The following TENT4B variants were observed in gnomAD, a reference collection of about 807,000 sequenced individuals.
TENT4B encodes the protein PAP associated domain containing 5.
TENT4B carries 10 observed loss-of-function variants against 75.0 expected under a neutral mutation model. The ratio of observed to expected loss-of-function variants is 0.13; its 90% CI spans 0.08 to 0.23. The LOEUF (loss-of-function observed/expected upper bound fraction) is 0.23. Among genes scored for constraint, TENT4B ranks in the 10% least tolerant of loss-of-function variants. The probability of loss-of-function intolerance (pLI) is 1.00; values close to 1 mark genes in which losing one functional copy is unlikely to be tolerated. For missense variants in TENT4B, 579 were observed against 893.8 expected (o/e 0.65, Z 4.49); for synonymous variants, 350 against 357.7 (o/e 0.98, Z 0.24).
intron 3 of TENT4B, among the ~76,000 whole-genome samples, chr16:50,215,639 C>G (rs1567508947): frequency 6.6e-6 from 1 of 152,172 alleles, no homozygotes; most frequent in Non-Finnish European, 1.5e-5. Flanking sequence ...TATAAAAGGA[C>G]ATGTGTGTAT....
At chr16:50,183,340 G>A (rs550482503) in intron 1 of TENT4B, among the ~76,000 whole-genome samples, 1 of 152,074 alleles carries the variant, frequency 6.6e-6, no homozygotes, top group South Asian at 2.1e-4. Flanking sequence ...CACCGTGCCT[G>A]GCTGCTTTCT....
intron 1 of TENT4B, among the ~76,000 whole-genome samples, chr16:50,176,659 A>G (rs1320512359): frequency 6.6e-6 from 1 of 151,478 alleles, no homozygotes; most frequent in East Asian, 2.0e-4. Flanking sequence ...GGCATGCACC[A>G]CCACGCCCAG....
At chr16:50,204,064 G>A (rs1053197997) in intron 1 of TENT4B, among the ~76,000 whole-genome samples, 3 of 152,200 alleles carry the variant, frequency 2.0e-5, no homozygotes, top group Admixed American at 2.0e-4. Flanking sequence ...TCGTAGAAGA[G>A]GGCTCGGAAG....
chr16:50,166,210 G>A (rs1161672332), intron 1 of TENT4B, among the ~76,000 whole-genome samples: 7 of 151,218 alleles, frequency 4.6e-5, no homozygotes, highest in African/African-American at 1.7e-4. Context: ...TCAGCCTCCC[G>A]AGTAGCTGGG....
rs565434826 is a variant in TENT4B, at chr16:50,183,026, AT to A, written c.639-28287del. ...GCAGCACCACACCCGGCTTTCTTGT[AT>A]TTTTTTTTTATTTTTATTTATTTAT... On this transcript the variant is annotated intron_variant, in intron 1 of 11. Coordinates refer to ENST00000561678, the MANE Select transcript of TENT4B (RefSeq NM_001365324.3). Among the ~76,000 whole-genome samples, 141 of 128,896 alleles carry A rather than the reference AT, an allele frequency of 1.1e-3. 1 individual carries two copies. Among genetic ancestry groups the A allele is most frequent in the South Asian group, 2.0e-3 (8 of 4,036 alleles). The allele number at this position is 128,896 out of a possible 152,430, so 84.6% of individuals were successfully genotyped here.
chr16:50,153,247 C>T (rs1036273156), upstream of TENT4B, among the ~76,000 whole-genome samples: 12 of 138,818 alleles, frequency 8.6e-5, no homozygotes, highest in Non-Finnish European at 1.7e-4. Flanking sequence ...GCCGGAGGAG[C>T]GAGGACGCTA....
intron 1 of TENT4B, among the ~76,000 whole-genome samples, chr16:50,158,541 C>T (rs1200228299): frequency 6.6e-6 from 1 of 152,122 alleles, no homozygotes; most frequent in Non-Finnish European, 1.5e-5. Flanking sequence ...TTGTTTATCA[C>T]TATGGAGAAA....
chr16:50,170,165 G>T (rs1007814863), intron 1 of TENT4B, among the ~76,000 whole-genome samples: 1 of 151,752 alleles, frequency 6.6e-6, no homozygotes, highest in African/African-American at 2.4e-5. Flanking sequence ...GATTACAGGC[G>T]CCTGCCACCA....
At chr16:50,154,328 G>C in intron 1 of TENT4B, 69 bp downstream of exon 1, 4 of 1,380,288 alleles carry the variant, frequency 2.9e-6, no homozygotes, top group Non-Finnish European at 3.7e-6. Context: ...CGCCCACAGA[G>C]GGGGGTTGTG....
chr16:50,218,319 C>T lies in TENT4B; in HGVS notation c.1038+656C>T, dbSNP rs187407620. Reference sequence around the variant, plus strand: ...TCCCATATGCCCCAAGAATACTGTGCGGGCAGTGAGCTGCACTTTTTTTTT... The same window carrying T: ...TCCCATATGCCCCAAGAATACTGTGTGGGCAGTGAGCTGCACTTTTTTTTT... On this transcript the variant is annotated intron_variant, in intron 5 of 11. Coordinates refer to ENST00000561678, the MANE Select transcript of TENT4B (RefSeq NM_001365324.3). 1.3e-4 allele frequency among the ~76,000 whole-genome samples: 20 copies of T among 151,876 alleles called. No individual in the cohort carries two copies. In the Middle Eastern group the frequency reaches 0.01, roughly 78 times the overall value.
At chr16:50,172,335 ACT>A (rs1356774056) in intron 1 of TENT4B, among the ~76,000 whole-genome samples, 1 of 151,558 alleles carries the variant, frequency 6.6e-6, no homozygotes. Context: ...ACAGAGCGAG[ACT>A]CTGTCTCCAA....
rs2032121032 is a variant in TENT4B at position 50,227,832 on chromosome 16, G to A, written c.1801-7G>A. On this transcript the variant is annotated splice_region_variant and splice_polypyrimidine_tract_variant and intron_variant, in intron 10 of 11. Coordinates refer to ENST00000561678, the MANE Select transcript of TENT4B (RefSeq NM_001365324.3). ...TGTCACATTATAACTCACGTGACTT[G>A]TGTTAGGATTCCGATGCAACACCAT... 7.4e-6 allele frequency: 12 copies of A among 1,613,852 alleles called. No individual in the cohort carries two copies. The highest frequency in any genetic ancestry group is 1.0e-5 in the Non-Finnish European group (12 of 1,179,812).
chr16:50,229,899 A>G lies in TENT4B; in HGVS notation c.*571A>G. On this transcript the variant is annotated 3_prime_UTR_variant, in exon 12 of 12. Coordinates refer to ENST00000561678, the MANE Select transcript of TENT4B (RefSeq NM_001365324.3). ...TTGTTAATAATACTTTTTACATAAC[A>G]TTACTGTTTAAATTGTAAACAGATT... 2.2e-6 allele frequency: 2 copies of G among 919,080 alleles called. No homozygotes were observed. The highest frequency in any genetic ancestry group is 5.0e-5 in the South Asian group (1 of 19,900). 56.9% of individuals were successfully genotyped at this position (919,080 alleles called of 1,614,324 possible). A position where few individuals can be genotyped will look rare whatever the true frequency, so the allele number is the denominator to read the frequency against.
intron 1 of TENT4B, among the ~76,000 whole-genome samples, chr16:50,209,508 C>T (rs988334381): frequency 3.9e-5 from 6 of 152,146 alleles, no homozygotes; most frequent in African/African-American, 1.4e-4. Flanking sequence ...GGAAAACGTC[C>T]CCACTGGGAT....
At chr16:50,200,919 TC>T in intron 1 of TENT4B, among the ~76,000 whole-genome samples, 1 of 151,964 alleles carries the variant, frequency 6.6e-6, no homozygotes, top group Admixed American at 6.6e-5. Context: ...GCCTCAGCCT[TC>T]CGAGTAGCTG....
intron 1 of TENT4B, among the ~76,000 whole-genome samples, chr16:50,188,166 T>TTATTCCA (rs1190284850): frequency 6.6e-6 from 1 of 152,236 alleles, no homozygotes; most frequent in Non-Finnish European, 1.5e-5. Context: ...CCGATGATGT[T>TTATTCCA]TATTCCAGTT....
chr16:50,170,456 C>T (rs999002830), intron 1 of TENT4B, among the ~76,000 whole-genome samples: 1 of 152,090 alleles, frequency 6.6e-6, no homozygotes, highest in Non-Finnish European at 1.5e-5. Context: ...ATCCCCCAAT[C>T]AAATATTTTA....
chr16:50,227,903 G>A lies in TENT4B; in HGVS notation c.1865G>A (p.Arg622Gln), dbSNP rs776389427. 2 of 1,614,000 alleles carry A rather than the reference G, an allele frequency of 1.2e-6. No homozygotes were observed. The highest frequency in any genetic ancestry group is 1.1e-5 in the South Asian group (1 of 91,074). ...QLLCRPSTGN[R>Q]VGSQDVSLES... ...CTTTGCCGTCCGTCCACTGGGAACC[G>A]AGTAGGGTCGCAAGATGTATCCTTG... Residue 622 changes from arginine to glutamine, a missense_variant, in exon 11 of 12, where the codon CGA (arginine) becomes CAA (glutamine). Physicochemically the swap from Arg to Gln is conservative, Grantham distance 43. Around this residue, in one of 7 missense-constraint regions of TENT4B, gnomAD observed 164 missense variants for 226.5 expected, o/e 0.72. Coordinates refer to ENST00000561678, the MANE Select transcript of TENT4B (RefSeq NM_001365324.3).
intron 1 of TENT4B, among the ~76,000 whole-genome samples, chr16:50,175,434 T>C (rs771598674): frequency 3.9e-5 from 6 of 152,112 alleles, no homozygotes; most frequent in Non-Finnish European, 7.4e-5. Context: ...TACATTTAGG[T>C]CTGTGATCTA....
Sources: allele counts gnomAD v4.1 joint callset (sites outside exome capture counted in the v4.1 genomes callset), GRCh38; gene constraint gnomAD v4.1.1; regional missense constraint gnomAD v4.1.1; transcripts MANE v1.5; gene names NCBI Gene and HGNC (gene_info 2026-07-23, HGNC 2026-07-21).